Variants in BNC2 observed in about 807,000 individuals in gnomAD.
BNC2 encodes the protein basonuclin zinc finger protein 2.
In BNC2, 20 loss-of-function variants were observed where a neutral mutation model predicts 76.3. The ratio of observed to expected loss-of-function variants is 0.26; its 90% CI spans 0.18 to 0.38. The LOEUF is 0.38. Ranked by LOEUF, BNC2 falls within the 10% of genes least tolerant of loss-of-function variation. The pLI is 1.00. For synonymous variants in BNC2, 582 were observed against 514.8 expected, an observed-to-expected ratio of 1.13 and a Z score of -1.77; for missense variants, 1,382 against 1,399.8, an observed-to-expected ratio of 0.99 and a Z score of 0.20.
intron 3 of BNC2, among the ~76,000 whole-genome samples, chr9:16,594,836 C>T (rs949466847): frequency 1.3e-5 from 2 of 152,052 alleles, no homozygotes; most frequent in Non-Finnish European, 2.9e-5. Flanking sequence ...GGAAAGGAGC[C>T]TGATAATCCC....
At chr9:16,674,368 C>G (rs1379310879) in intron 3 of BNC2, among the ~76,000 whole-genome samples, 1 of 152,136 alleles carries the variant, frequency 6.6e-6, no homozygotes, top group African/African-American at 2.4e-5. Context: ...TGAATCCAGA[C>G]CCACTTACAA....
chr9:16,466,113 C>T, intron 5 of BNC2, among the ~76,000 whole-genome samples: 1 of 54,408 alleles, frequency 1.8e-5, no homozygotes, highest in South Asian at 7.2e-4. Context: ...CCTAGGAATC[C>T]AACTTACAAG....
intron 5 of BNC2, among the ~76,000 whole-genome samples, chr9:16,454,154 A>C (rs1380799117): frequency 6.6e-6 from 1 of 152,008 alleles, no homozygotes; most frequent in Admixed American, 6.6e-5. Context: ...TTTTTTAATC[A>C]CATTCTATTT....
At chr9:16,508,900 A>G (rs1822692472) in intron 5 of BNC2, among the ~76,000 whole-genome samples, 2 of 150,608 alleles carry the variant, frequency 1.3e-5, no homozygotes, top group South Asian at 4.2e-4. Flanking sequence ...AGCTCATTGT[A>G]ACCTCGAACT....
intron 1 of BNC2, among the ~76,000 whole-genome samples, chr9:16,795,071 A>T (rs1817608053): frequency 6.6e-6 from 1 of 152,224 alleles, no homozygotes; most frequent in Non-Finnish European, 1.5e-5. Flanking sequence ...CAACCTCCCT[A>T]GGCCTTTAGC....
intron 5 of BNC2, among the ~76,000 whole-genome samples, chr9:16,515,311 G>A (rs759709525): frequency 3.0e-4 from 45 of 152,196 alleles, no homozygotes; most frequent in Non-Finnish European, 1.2e-4. Flanking sequence ...CCGGTGAGAA[G>A]AGGATCAATG....
chr9:16,741,888 G>A (rs1317007066), intron 1 of BNC2, among the ~76,000 whole-genome samples: 1 of 149,102 alleles, frequency 6.7e-6, no homozygotes, highest in Admixed American at 6.8e-5. Context: ...AACTCAGGAG[G>A]TGGAGGTTGC....
intron 3 of BNC2, among the ~76,000 whole-genome samples, chr9:16,670,080 T>A (rs1331810509): frequency 6.6e-6 from 1 of 152,220 alleles, no homozygotes. Context: ...GCATAATGTT[T>A]CAATCCCACT....
intron 1 of BNC2, among the ~76,000 whole-genome samples, chr9:16,805,136 T>C (rs1395720162): frequency 6.6e-6 from 1 of 152,114 alleles, no homozygotes; most frequent in Non-Finnish European, 1.5e-5. Flanking sequence ...ATCTCGAATC[T>C]TCAAATGAGC....
chr9:16,861,760 C>A (rs182662107), intron 1 of BNC2, among the ~76,000 whole-genome samples: 1 of 152,222 alleles, frequency 6.6e-6, no homozygotes, highest in Non-Finnish European at 1.5e-5. Flanking sequence ...GAGGCCGAGG[C>A]GGGAGGATGA....
intron 3 of BNC2, among the ~76,000 whole-genome samples, chr9:16,702,646 C>T (rs545433382): frequency 1.3e-5 from 2 of 151,284 alleles, no homozygotes; most frequent in Admixed American, 6.6e-5. Context: ...TACCATCCTA[C>T]ACTACTATTT....
At chr9:16,434,454 G>A (rs1028929145) in intron 6 of BNC2, among the ~76,000 whole-genome samples, 2 of 152,212 alleles carry the variant, frequency 1.3e-5, no homozygotes, top group African/African-American at 4.8e-5. Context: ...TTTCCACCAT[G>A]TTATAAAATT....
At chr9:16,854,139 T>C (rs1819197102) in intron 1 of BNC2, among the ~76,000 whole-genome samples, 1 of 152,114 alleles carries the variant, frequency 6.6e-6, no homozygotes, top group Non-Finnish European at 1.5e-5. Flanking sequence ...TACTTTCTCT[T>C]CCCATAGCAG....
intron 1 of BNC2, among the ~76,000 whole-genome samples, chr9:16,835,856 T>G (rs1222659465): frequency 2.0e-5 from 3 of 152,210 alleles, no homozygotes; most frequent in African/African-American, 2.4e-5. Flanking sequence ...AATTGGCGTC[T>G]AAAGTTGAAT....
chr9:16,859,553 A>C (rs1819344765), intron 1 of BNC2, among the ~76,000 whole-genome samples: 1 of 152,234 alleles, frequency 6.6e-6, no homozygotes, highest in Non-Finnish European at 1.5e-5. Context: ...TACAACATAA[A>C]TGAACCTTAA....
chr9:16,644,216 T>A (rs984126805), intron 3 of BNC2, among the ~76,000 whole-genome samples: 11 of 151,974 alleles, frequency 7.2e-5, no homozygotes, highest in African/African-American at 2.2e-4. Flanking sequence ...ATCAATGGAG[T>A]CAAGGGGCAA....
chr9:16,665,853 C>T (rs1822275189), intron 3 of BNC2, among the ~76,000 whole-genome samples: 1 of 152,064 alleles, frequency 6.6e-6, no homozygotes, highest in Admixed American at 6.6e-5. Flanking sequence ...TACTTCCTAC[C>T]TGTTGAACCT....
At chr9:16,569,297 G>C in intron 4 of BNC2, among the ~76,000 whole-genome samples, 1 of 151,864 alleles carries the variant, frequency 6.6e-6, no homozygotes, top group East Asian at 1.9e-4. Flanking sequence ...TATTATGAAT[G>C]TAATTCCAAA....
At chr9:16,452,638 G>C (rs1344040591) in intron 5 of BNC2, among the ~76,000 whole-genome samples, 2 of 152,070 alleles carry the variant, frequency 1.3e-5, no homozygotes, top group Non-Finnish European at 2.9e-5. Flanking sequence ...TTGAACTTCT[G>C]ACCTCAGGTG....
Sources: allele counts gnomAD v4.1 joint callset (sites outside exome capture counted in the v4.1 genomes callset), GRCh38; gene constraint gnomAD v4.1.1; transcripts MANE v1.5; gene names NCBI Gene and HGNC (gene_info 2026-07-23, HGNC 2026-07-21).